Variants in PARD3 observed in about 807,000 individuals in gnomAD.
PARD3 encodes partitioning defective 3 homolog.
In PARD3, 75 loss-of-function variants were observed where a neutral mutation model predicts 155.4. That is an observed-to-expected ratio of 0.48 (90% confidence interval 0.40 to 0.58). PARD3 has a LOEUF of 0.58. Among genes scored for constraint, PARD3 ranks in the 20% least tolerant of loss-of-function variants. The probability of loss-of-function intolerance (pLI) is 0.00; values close to 1 mark genes in which losing one functional copy is unlikely to be tolerated. For synonymous variants in PARD3, 576 were observed against 610.5 expected, an observed-to-expected ratio of 0.94 and a Z score of 0.83; for missense variants, 1,642 against 1,721.7, an observed-to-expected ratio of 0.95 and a Z score of 0.82.
chr10:34,763,383 T>C (rs1268099800), intron 1 of PARD3, among the ~76,000 whole-genome samples: 1 of 152,092 alleles, frequency 6.6e-6, no homozygotes, highest in Non-Finnish European at 1.5e-5. Context: ...TGCAGCAAGG[T>C]TGTCTGTGAT....
At chr10:34,363,998 T>A (rs185383986) in intron 12 of PARD3, among the ~76,000 whole-genome samples, 2 of 152,208 alleles carry the variant, frequency 1.3e-5, no homozygotes, top group Non-Finnish European at 2.9e-5. Context: ...TACATTTCTA[T>A]CTGCAGTGAG....
chr10:34,437,710 A>C (rs1327621053), intron 5 of PARD3, among the ~76,000 whole-genome samples: 1 of 152,156 alleles, frequency 6.6e-6, no homozygotes, highest in Non-Finnish European at 1.5e-5. Flanking sequence ...AAACAAGTAA[A>C]ATACGTAATA....
At chr10:34,723,722 G>A (rs1013582300) in intron 1 of PARD3, among the ~76,000 whole-genome samples, 1 of 152,136 alleles carries the variant, frequency 6.6e-6, no homozygotes, top group East Asian at 1.9e-4. Flanking sequence ...CATAAATCTG[G>A]CATCATTCTA....
intron 22 of PARD3, among the ~76,000 whole-genome samples, chr10:34,212,878 C>A (rs1293172067): frequency 1.3e-5 from 2 of 152,176 alleles, no homozygotes; most frequent in African/African-American, 4.8e-5. Context: ...GCCACCAAAC[C>A]TCAGGCTCAG....
At chr10:34,389,239 T>TAAAAAA (rs57615675) in intron 7 of PARD3, among the ~76,000 whole-genome samples, 1,985 of 65,830 alleles carry the variant, frequency 0.03, 202 homozygotes, top group African/African-American at 0.063. Context: ...CAATGTTTCT[T>TAAAAAA]AAAAAAAAAA....
rs561051215 is a variant in PARD3, at chr10:34,503,109, C to T, written c.403+13870G>A. On this transcript the variant is annotated intron_variant, in intron 3 of 24. Coordinates refer to ENST00000374788, the MANE Select transcript of PARD3 (RefSeq NM_001184785.2). ...AGTAGATACTCATGTACTACTTAGACAAACTGATCACCAGCTGGTTTTCCT... is the reference window on the plus strand; with the variant it reads ...AGTAGATACTCATGTACTACTTAGATAAACTGATCACCAGCTGGTTTTCCT... Among the ~76,000 whole-genome samples the T allele has an allele frequency of 9.8e-5, 15 of 152,302 alleles. No homozygotes were observed. The South Asian group carries it at 1.4e-3, about 15-fold the overall frequency.
rs1215741546 is a variant in PARD3, at chr10:34,154,793, T to C, written c.3420-23210A>G. 2.0e-5 allele frequency among the ~76,000 whole-genome samples: 3 copies of C among 152,290 alleles called. No individual in the cohort carries two copies. The East Asian group carries it at 5.8e-4, about 29-fold the overall frequency. On this transcript the variant is annotated intron_variant, in intron 22 of 24. Coordinates refer to ENST00000374788, the MANE Select transcript of PARD3 (RefSeq NM_001184785.2). The stretch of plus-strand genomic sequence containing the variant: ...AACTACCTCCAGGTGTTGAAACTCA[T>C]GGGTTCTGCCTGAGCATGTTTCTTT...
intron 7 of PARD3, among the ~76,000 whole-genome samples, chr10:34,386,081 C>T (rs539440303): frequency 2.7e-4 from 41 of 152,070 alleles, no homozygotes; most frequent in African/African-American, 9.4e-4. Context: ...AACATTTTTA[C>T]GATATTAGTA....
At chr10:34,119,547 T>C in intron 24 of PARD3, 66 bp downstream of exon 24, 1 of 1,483,460 alleles carries the variant, frequency 6.7e-7, no homozygotes, top group Admixed American at 2.0e-5. Flanking sequence ...AAGGAGCGCG[T>C]TCCTAAAGGG....
intron 22 of PARD3, among the ~76,000 whole-genome samples, chr10:34,134,150 T>C (rs1947762647): frequency 6.6e-6 from 1 of 152,192 alleles, no homozygotes; most frequent in Non-Finnish European, 1.5e-5. Context: ...TGTTGCACTG[T>C]CCAATCTAAA....
At chr10:34,411,708 G>GTA (rs1201269429) in intron 5 of PARD3, among the ~76,000 whole-genome samples, 2 of 149,396 alleles carry the variant, frequency 1.3e-5, no homozygotes, top group African/African-American at 4.9e-5. Flanking sequence ...TTATATGTGT[G>GTA]TATATATCTA....
chr10:34,247,786 G>C (rs902109896), intron 22 of PARD3, among the ~76,000 whole-genome samples: 1 of 152,190 alleles, frequency 6.6e-6, no homozygotes, highest in African/African-American at 2.4e-5. Flanking sequence ...TTCTGACTCA[G>C]AATGGTGTAT....
chr10:34,228,558 G>T (rs965441131), intron 22 of PARD3, among the ~76,000 whole-genome samples: 1 of 152,048 alleles, frequency 6.6e-6, no homozygotes. Context: ...AATGTTAAAA[G>T]ACTAGATTGT....
intron 19 of PARD3, among the ~76,000 whole-genome samples, chr10:34,329,129 TA>T (rs1474450620): frequency 6.6e-6 from 1 of 152,176 alleles, no homozygotes; most frequent in African/African-American, 2.4e-5. Flanking sequence ...TTTTAAAAAA[TA>T]AGTTTATATA....
In PARD3 at chr10:34,785,310, A is replaced by G. The variant is rs180835737; in HGVS notation, c.120+29566T>C. Among the ~76,000 whole-genome samples, 435 of 152,360 alleles carry G rather than the reference A, an allele frequency of 2.9e-3. 6 individuals carry two copies. Among genetic ancestry groups the G allele is most frequent in the Non-Finnish European group, 7.5e-4 (51 of 68,040 alleles). The stretch of plus-strand genomic sequence containing the variant: ...ATATCCAAAAACCTGCACATGTATC[A>G]CACATTTATGCTTTTGAAACCCCAG... On this transcript the variant is annotated intron_variant, in intron 1 of 24. Transcript: ENST00000374788.
chr10:34,709,212 T>C (rs1027173246), intron 1 of PARD3, among the ~76,000 whole-genome samples: 2 of 152,206 alleles, frequency 1.3e-5, no homozygotes, highest in Non-Finnish European at 2.9e-5. Context: ...AAATATGCCT[T>C]ATACACATAA....
At chr10:34,595,036 G>C (rs1047159431) in intron 2 of PARD3, among the ~76,000 whole-genome samples, 13 of 152,268 alleles carry the variant, frequency 8.5e-5, no homozygotes, top group Admixed American at 5.2e-4. Context: ...GCAAAGGACT[G>C]TTATAATGAT....
At chr10:34,381,938 A>AG (rs1564648829) in intron 9 of PARD3, among the ~76,000 whole-genome samples, 2 of 133,876 alleles carry the variant, frequency 1.5e-5, no homozygotes, top group Non-Finnish European at 3.2e-5. Context: ...AAAAAAAAAA[A>AG]AAAGAAAGAA....
intron 1 of PARD3, among the ~76,000 whole-genome samples, chr10:34,761,390 A>G (rs1837421782): frequency 6.6e-6 from 1 of 152,168 alleles, no homozygotes; most frequent in Non-Finnish European, 1.5e-5. Flanking sequence ...CAGCCTGGGT[A>G]ACACAGCGAG....
Sources: allele counts gnomAD v4.1 joint callset (sites outside exome capture counted in the v4.1 genomes callset), GRCh38; gene constraint gnomAD v4.1.1; transcripts MANE v1.5; gene names NCBI Gene and HGNC (gene_info 2026-07-23, HGNC 2026-07-21).